SAMD12: variants seen among roughly 807,000 people sequenced by gnomAD.
SAMD12 encodes the protein sterile alpha motif domain containing 12.
A neutral mutation model predicts 15.0 loss-of-function variants in SAMD12; 9 were observed. That is an observed-to-expected ratio of 0.60 (90% CI 0.36 to 1.05). The LOEUF (loss-of-function observed/expected upper bound fraction) is 1.05, where lower values mean the gene tolerates loss of function less well. Among genes scored for constraint, SAMD12 ranks in the 50% least tolerant of loss-of-function variants. SAMD12 has a pLI of 0.01. For missense variants in SAMD12, 230 were observed against 234.2 expected (o/e 0.98, Z 0.12); for synonymous variants, 86 against 90.1 (o/e 0.96, Z 0.25).
chr8:118,452,862 A>G (rs1308609016), intron 2 of SAMD12, among the ~76,000 whole-genome samples: 2 of 152,140 alleles, frequency 1.3e-5, no homozygotes, highest in Non-Finnish European at 2.9e-5. Flanking sequence ...TTCAGGTGCA[A>G]TTTCCAGGGG....
At chr8:118,219,034 G>A (rs779098055) in intron 4 of SAMD12, among the ~76,000 whole-genome samples, 2 of 152,176 alleles carry the variant, frequency 1.3e-5, no homozygotes, top group Non-Finnish European at 2.9e-5. Flanking sequence ...GCTGAGCAAA[G>A]CTGCCCCTTT....
chr8:118,165,633 TATAC>T, the SAMD12 span, among the ~76,000 whole-genome samples: 1 of 121,560 alleles, frequency 8.2e-6, no homozygotes, highest in African/African-American at 3.4e-5. Context: ...TATATATATA[TATAC>T]ATATATATAT....
intron 3 of SAMD12, among the ~76,000 whole-genome samples, chr8:118,392,154 C>T (rs945595969): frequency 3.3e-5 from 5 of 152,188 alleles, no homozygotes; most frequent in Admixed American, 6.5e-5. Flanking sequence ...GTTGGCTGGG[C>T]GCAGTGGCTC....
At chr8:118,152,453 TCCCTA>T in the SAMD12 span, among the ~76,000 whole-genome samples, 4 of 90,408 alleles carry the variant, frequency 4.4e-5, no homozygotes, top group African/African-American at 1.8e-4. Flanking sequence ...CCTCCCTCCC[TCCCTA>T]CCTTCCTTCC....
chr8:118,599,638 G>A (rs1428385449), intron 1 of SAMD12, among the ~76,000 whole-genome samples: 2 of 152,168 alleles, frequency 1.3e-5, no homozygotes, highest in Non-Finnish European at 2.9e-5. Context: ...TATGGTTCAG[G>A]TGGGATCTCC....
chr8:118,334,940 T>C (rs1816986411), intron 4 of SAMD12, among the ~76,000 whole-genome samples: 1 of 152,090 alleles, frequency 6.6e-6, no homozygotes, highest in Admixed American at 6.5e-5. Context: ...ACTCTTCATA[T>C]ATTTGAAAAT....
intron 2 of SAMD12, among the ~76,000 whole-genome samples, chr8:118,532,040 T>C (rs911681287): frequency 4.6e-5 from 7 of 152,226 alleles, no homozygotes; most frequent in Admixed American, 1.3e-4. Flanking sequence ...TTTTTGCCCA[T>C]TCAGTATGAT....
rs530562809 is a variant in SAMD12, at chr8:118,502,720, C to T, written c.193-62759G>A. On this transcript the variant is annotated intron_variant, in intron 2 of 3. Transcript: ENST00000314727. ...TTTTGAAGAAAACATCTTGAAACCA[C>T]ACCTTGATCCTAATAAGTAGATTTT... Among the ~76,000 whole-genome samples, 3 of 152,352 alleles carry T rather than the reference C, an allele frequency of 2.0e-5. No individual in the cohort carries two copies. The South Asian group carries it at 6.2e-4, about 32-fold the overall frequency.
chr8:118,621,777 C>G (rs368196945), intron 1 of SAMD12, 27 bp downstream of exon 1: 3 of 1,613,384 alleles, frequency 1.9e-6, no homozygotes, highest in Non-Finnish European at 2.5e-6. Flanking sequence ...TAAGAGGGAG[C>G]TTAAAAATGC....
chr8:118,317,869 T>C (rs907481460), intron 4 of SAMD12, among the ~76,000 whole-genome samples: 1 of 151,960 alleles, frequency 6.6e-6, no homozygotes, highest in Non-Finnish European at 1.5e-5. Context: ...ACAAATAATC[T>C]CATCAAAAAG....
chr8:118,550,598 G>C (rs1347906213), intron 2 of SAMD12, among the ~76,000 whole-genome samples: 1 of 152,094 alleles, frequency 6.6e-6, no homozygotes, highest in Non-Finnish European at 1.5e-5. Context: ...AGACCATCAA[G>C]ACTAGGAAGA....
intron 2 of SAMD12, among the ~76,000 whole-genome samples, chr8:118,509,736 A>G (rs1228751273): frequency 6.6e-6 from 1 of 152,098 alleles, no homozygotes; most frequent in Admixed American, 6.5e-5. Context: ...TTGTCTCAAC[A>G]TTTACACATA....
intron 3 of SAMD12, among the ~76,000 whole-genome samples, chr8:118,399,351 G>A (rs979454125): frequency 6.6e-6 from 1 of 152,158 alleles, no homozygotes; most frequent in Non-Finnish European, 1.5e-5. Flanking sequence ...TGGACTTCAT[G>A]TGGTGACACT....
At chr8:118,205,059 C>T (rs1474855453) in intron 4 of SAMD12, among the ~76,000 whole-genome samples, 1 of 152,180 alleles carries the variant, frequency 6.6e-6, no homozygotes, top group East Asian at 1.9e-4. Context: ...ATAGCCCTCC[C>T]TAATACAAGT....
chr8:118,489,911 G>A (rs747492465), intron 2 of SAMD12, among the ~76,000 whole-genome samples: 4 of 152,074 alleles, frequency 2.6e-5, no homozygotes, highest in Non-Finnish European at 5.9e-5. Flanking sequence ...GGACTCTGGA[G>A]TGGGGGGTAT....
At chr8:118,151,436 A>C in the SAMD12 span, among the ~76,000 whole-genome samples, 1 of 152,152 alleles carries the variant, frequency 6.6e-6, no homozygotes, top group Admixed American at 6.5e-5. Flanking sequence ...CCTCTCAGTA[A>C]TGCTCTATTC....
At chr8:118,548,412 CACA>C (rs760421322) in intron 2 of SAMD12, among the ~76,000 whole-genome samples, 18 of 151,428 alleles carry the variant, frequency 1.2e-4, no homozygotes, top group African/African-American at 3.2e-4. Flanking sequence ...CACACACACA[CACA>C]CACACACACC....
chr8:118,414,130 G>A (rs187340769), intron 3 of SAMD12, among the ~76,000 whole-genome samples: 3 of 152,254 alleles, frequency 2.0e-5, no homozygotes, highest in Middle Eastern at 3.4e-3. Context: ...TTTGGTTAAC[G>A]CATGCGTATA....
intron 2 of SAMD12, among the ~76,000 whole-genome samples, chr8:118,565,601 G>A (rs776093315): frequency 8.5e-5 from 13 of 152,162 alleles, no homozygotes; most frequent in Non-Finnish European, 1.8e-4. Context: ...TATATCTTTA[G>A]TTGAGATCTC....
Sources: allele counts gnomAD v4.1 joint callset (sites outside exome capture counted in the v4.1 genomes callset), GRCh38; gene constraint gnomAD v4.1.1; transcripts MANE v1.5; gene names NCBI Gene and HGNC (gene_info 2026-07-23, HGNC 2026-07-21).